IFIH1: variants seen among roughly 807,000 people sequenced by gnomAD.
The protein encoded by IFIH1 is interferon-induced helicase C domain-containing protein 1.
In IFIH1, 125 loss-of-function variants were observed where a neutral mutation model predicts 107.4. That is an observed-to-expected ratio of 1.16 (90% confidence interval 1.01 to 1.35). IFIH1 has a LOEUF of 1.35. Ranked by LOEUF, IFIH1 falls within the 40% of genes most tolerant of loss-of-function variation. IFIH1 has a pLI of 0.00. For missense variants in IFIH1, 1,333 were observed against 1,213.7 expected (o/e 1.10, Z -1.46); for synonymous variants, 458 against 413.2 (o/e 1.11, Z -1.31).
rs1683070726 is a variant in IFIH1 at position 162,295,481 on chromosome 2, A to T, written c.770-1813T>A. 2.0e-5 allele frequency among the ~76,000 whole-genome samples: 3 copies of T among 152,020 alleles called. No homozygotes were observed. In the South Asian group the frequency reaches 6.2e-4, roughly 31 times the overall value. On this transcript the variant is annotated intron_variant, in intron 3 of 15. Coordinates refer to ENST00000649979, the MANE Select transcript of IFIH1 (RefSeq NM_022168.4). ...CTATTTAGTTTAAGAGCTATAACAGAATTACAGCCAATGCCAATCAAATAT... is the reference window on the plus strand; with the variant it reads ...CTATTTAGTTTAAGAGCTATAACAGTATTACAGCCAATGCCAATCAAATAT...
chr2:162,288,094 C>T, intron 5 of IFIH1, 41 bp downstream of exon 5: 1 of 1,324,768 alleles, frequency 7.5e-7, no homozygotes, highest in Non-Finnish European at 1.1e-6. Flanking sequence ...CAGAATAATA[C>T]AATGAAAATG....
intron 5 of IFIH1, among the ~76,000 whole-genome samples, chr2:162,283,888 T>C (rs1214444696): frequency 1.3e-5 from 2 of 151,814 alleles, no homozygotes; most frequent in East Asian, 3.9e-4. Flanking sequence ...AAAGTGGACT[T>C]AAAATCAGTA....
chr2:162,288,075 T>C, intron 5 of IFIH1, 60 bp downstream of exon 5: 2 of 1,114,068 alleles, frequency 1.8e-6, no homozygotes, highest in Non-Finnish European at 2.7e-6. Context: ...TGCCATCATA[T>C]AAAAGTTTCA....
intron 3 of IFIH1, among the ~76,000 whole-genome samples, chr2:162,304,411 G>C (rs977468020): frequency 6.6e-6 from 1 of 152,132 alleles, no homozygotes; most frequent in African/African-American, 2.4e-5. Flanking sequence ...GCAGTGAGCT[G>C]TGTTTGTGCC....
chr2:162,303,900 C>G (rs1351124440), intron 3 of IFIH1, among the ~76,000 whole-genome samples: 1 of 152,170 alleles, frequency 6.6e-6, no homozygotes, highest in Non-Finnish European at 1.5e-5. Flanking sequence ...TCAGCAGTAG[C>G]TCCATCTTCC....
chr2:162,316,814 G>A (rs918790553), intron 1 of IFIH1, among the ~76,000 whole-genome samples: 1 of 152,148 alleles, frequency 6.6e-6, no homozygotes, highest in Non-Finnish European at 1.5e-5. Flanking sequence ...ACACATCACA[G>A]TACATCTTCA....
chr2:162,281,628 C>T (rs368708988), intron 6 of IFIH1, 83 bp from the exon 7 acceptor site: 1 of 992,148 alleles, frequency 1.0e-6, no homozygotes, highest in Admixed American at 2.3e-5. Flanking sequence ...AATTGAGCTG[C>T]CTTGGGGATG....
chr2:162,289,104 T>C (rs1330851520), intron 4 of IFIH1, among the ~76,000 whole-genome samples: 1 of 151,944 alleles, frequency 6.6e-6, no homozygotes, highest in African/African-American at 2.4e-5. Context: ...ATTTTGTTGG[T>C]TTAAACTAAA....
intron 11 of IFIH1, among the ~76,000 whole-genome samples, chr2:162,275,148 G>A (rs1421898748): frequency 6.6e-6 from 1 of 152,144 alleles, no homozygotes; most frequent in Non-Finnish European, 1.5e-5. Context: ...CATTGCTAAG[G>A]AGTTTGTCCA....
intron 3 of IFIH1, among the ~76,000 whole-genome samples, chr2:162,305,571 A>AAAAAT (rs565732809): frequency 4.3e-4 from 66 of 152,136 alleles, no homozygotes; most frequent in Middle Eastern, 3.4e-3. Context: ...TTCCATCTCC[A>AAAAAT]AAAATAAAAT....
At chr2:162,295,046 T>C (rs1209569904) in intron 3 of IFIH1, among the ~76,000 whole-genome samples, 1 of 152,038 alleles carries the variant, frequency 6.6e-6, no homozygotes, top group East Asian at 1.9e-4. Flanking sequence ...TGTTTATAGT[T>C]TGAGAAGTTT....
Position 162,289,455 on chromosome 2 carries a change from C to A in IFIH1, c.875-1100G>T, listed in dbSNP as rs145172496. Among the ~76,000 whole-genome samples, 830 of 151,676 alleles carry A rather than the reference C, an allele frequency of 5.5e-3. 16 individuals are homozygous for A. The highest frequency in any genetic ancestry group is 0.019 in the African/African-American group (789 of 41,430). ...TAAATATTATACCAATTTAAAAGCC[C>A]ATTTTATGACTTATATAATAAGAAG... On this transcript the variant is annotated intron_variant, in intron 4 of 15. Coordinates refer to ENST00000649979, the MANE Select transcript of IFIH1 (RefSeq NM_022168.4).
intron 6 of IFIH1, 43 bp from the exon 7 acceptor site, chr2:162,281,588 A>G (rs1272609540): frequency 5.7e-6 from 8 of 1,401,848 alleles, no homozygotes; most frequent in Non-Finnish European, 7.9e-6. Context: ...ATATCAGCAC[A>G]CTACAGTGAG....
At position 162,281,310 on chromosome 2, in the gene IFIH1, C is replaced by T. The variant is rs567692713; in HGVS notation, c.1524+18G>A. 2.0e-5 allele frequency: 32 copies of T among 1,591,778 alleles called. No homozygotes were observed. In the East Asian group the frequency reaches 3.8e-4, roughly 19 times the overall value. ...TTTAGCTTTGCTTTCATTGGTTATA[C>T]ATAAAATTATGACTTACTTTTAAAA... On this transcript the variant is annotated intron_variant, in intron 7 of 15. Transcript: ENST00000649979.
At chr2:162,269,146 T>C (rs1276873701) in intron 13 of IFIH1, among the ~76,000 whole-genome samples, 1 of 152,244 alleles carries the variant, frequency 6.6e-6, no homozygotes, top group African/African-American at 2.4e-5. Flanking sequence ...ATAATTTTAT[T>C]CTGGGTGGAA....
chr2:162,282,412 G>A lies in IFIH1; in HGVS notation c.1260C>T (p.Ser420=), dbSNP rs751334569. Residue 420 remains serine (S), a synonymous_variant, in exon 6 of 16, where the codon TCC becomes TCT. Coordinates refer to ENST00000649979, the MANE Select transcript of IFIH1 (RefSeq NM_022168.4). ...CTTCTCCATTTTCCAAGTTTAAGAG[G>A]GAGTTTTCAAGGATTTGAGCTGTAC... ...IISTAQILEN[S]LLNLENGEDA... 1.2e-6 allele frequency: 2 copies of A among 1,611,542 alleles called. No individual in the cohort carries two copies. The highest frequency in any genetic ancestry group is 2.2e-5 in the South Asian group (2 of 90,864).
At chr2:162,303,704 T>A (rs1206459078) in intron 3 of IFIH1, among the ~76,000 whole-genome samples, 23 of 152,152 alleles carry the variant, frequency 1.5e-4, no homozygotes, top group Admixed American at 1.5e-3. Flanking sequence ...AATATCATTA[T>A]TAAAATTTTT....
Position 162,303,242 on chromosome 2 carries a change from G to A in IFIH1, c.769+3467C>T, listed in dbSNP as rs768676771. On this transcript the variant is annotated intron_variant, in intron 3 of 15. Coordinates refer to ENST00000649979, the MANE Select transcript of IFIH1 (RefSeq NM_022168.4). ...TGATTCCCCTGCCTCAGCCTTCCAA[G>A]TAGCTGGGATTACAGGCATCTGCCA... 7.2e-5 allele frequency among the ~76,000 whole-genome samples: 11 copies of A among 152,068 alleles called. 1 individual carries two copies. Among genetic ancestry groups the A allele is most frequent in the African/African-American group, 7.2e-5 (3 of 41,394 alleles).
chr2:162,295,455 C>T (rs914417292), intron 3 of IFIH1, among the ~76,000 whole-genome samples: 1 of 151,806 alleles, frequency 6.6e-6, no homozygotes, highest in Non-Finnish European at 1.5e-5. Context: ...TTTGGATGAG[C>T]CTATTTAGTT....
Sources: gnomAD v4.1 joint callset for allele counts (sites outside exome capture counted in the v4.1 genomes callset) on GRCh38, gnomAD v4.1.1 for gene constraint, MANE v1.5 for transcripts, NCBI Gene and HGNC (gene_info 2026-07-23, HGNC 2026-07-21) for gene names.